The following ROBO2 variants were observed in gnomAD, a reference collection of about 807,000 sequenced individuals.
The protein encoded by ROBO2 is roundabout guidance receptor 2, also known as roundabout homolog 2.
A neutral mutation model predicts 160.8 loss-of-function variants in ROBO2; 53 were observed. That is an observed-to-expected ratio of 0.33 (90% confidence interval 0.26 to 0.41). ROBO2 has a LOEUF of 0.41. Ranked by LOEUF, ROBO2 falls within the 10% of genes least tolerant of loss-of-function variation. ROBO2 has a pLI of 1.00. For missense variants in ROBO2, 1,577 were observed against 1,722.4 expected, an observed-to-expected ratio of 0.92 and a Z score of 1.49; for synonymous variants, 664 against 611.7, an observed-to-expected ratio of 1.09 and a Z score of -1.26.
intron 2 of ROBO2, among the ~76,000 whole-genome samples, chr3:76,739,323 C>G (rs547739498): frequency 2.6e-5 from 4 of 152,184 alleles, no homozygotes; most frequent in African/African-American, 9.6e-5. Flanking sequence ...AGTTCATGTC[C>G]TTTGTAGTGA....
chr3:77,049,474 C>T (rs1257001953), intron 1 of ROBO2, among the ~76,000 whole-genome samples: 1 of 152,300 alleles, frequency 6.6e-6, no homozygotes, highest in Non-Finnish European at 1.5e-5. Flanking sequence ...TATGGATATG[C>T]ATGACAGCCA....
intron 2 of ROBO2, among the ~76,000 whole-genome samples, chr3:76,192,110 C>CG (rs1702033840): frequency 6.6e-6 from 1 of 151,964 alleles, no homozygotes; most frequent in Non-Finnish European, 1.5e-5. Context: ...ACCTGACCTT[C>CG]GATTGGCTTA....
chr3:77,208,682 T>C (rs62251837), intron 2 of ROBO2, among the ~76,000 whole-genome samples: 4,465 of 152,332 alleles, frequency 0.029, 74 homozygotes, highest in Middle Eastern at 0.054. Flanking sequence ...AGATTATGGT[T>C]CTATGCCTTA....
At chr3:76,204,579 G>C (rs1702711444) in intron 2 of ROBO2, among the ~76,000 whole-genome samples, 1 of 152,116 alleles carries the variant, frequency 6.6e-6, no homozygotes, top group African/African-American at 2.4e-5. Context: ...ATCGAATTCT[G>C]CTGTTCTCAG....
intron 2 of ROBO2, among the ~76,000 whole-genome samples, chr3:76,179,013 CTCAATAAAGGGTATT>C (rs2073331338): frequency 6.6e-6 from 1 of 152,014 alleles, no homozygotes; most frequent in Non-Finnish European, 1.5e-5. Flanking sequence ...CAAACTTTCC[CTCAATAAAGGGTATT>C]TTAAGTTAGA....
At chr3:77,193,389 T>A (rs2082042584) in intron 2 of ROBO2, among the ~76,000 whole-genome samples, 1 of 151,722 alleles carries the variant, frequency 6.6e-6, no homozygotes, top group Non-Finnish European at 1.5e-5. Flanking sequence ...CAAGCGATCC[T>A]CCTACCTCAG....
chr3:76,493,365 A>ATATATATATATATATATAT (rs61651925), intron 2 of ROBO2, among the ~76,000 whole-genome samples: 3 of 132,014 alleles, frequency 2.3e-5, no homozygotes, highest in Non-Finnish European at 4.8e-5. Flanking sequence ...ATATATATAT[A>ATATATATATATATATATAT]ATTGTATATA....
chr3:76,287,009 T>C (rs1314836995), intron 2 of ROBO2, among the ~76,000 whole-genome samples: 1 of 152,186 alleles, frequency 6.6e-6, no homozygotes, highest in African/African-American at 2.4e-5. Flanking sequence ...CTGTACCACC[T>C]GGATCCCAGG....
chr3:76,327,447 T>C (rs2073119857), intron 2 of ROBO2, among the ~76,000 whole-genome samples: 1 of 152,210 alleles, frequency 6.6e-6, no homozygotes. Context: ...AATTTGATAA[T>C]GACAGATTAT....
intron 2 of ROBO2, among the ~76,000 whole-genome samples, chr3:76,438,941 T>G (rs1319220632): frequency 1.3e-5 from 2 of 152,052 alleles, no homozygotes; most frequent in East Asian, 3.9e-4. Flanking sequence ...CAGAGAGGCT[T>G]TGAAAGTTGT....
At chr3:76,155,147 C>G (rs1386773404) in intron 2 of ROBO2, among the ~76,000 whole-genome samples, 1 of 152,054 alleles carries the variant, frequency 6.6e-6, no homozygotes, top group Non-Finnish European at 1.5e-5. Flanking sequence ...AAATAAATGT[C>G]AAAATTAGAA....
At chr3:77,318,196 TG>T (rs2064270818) in intron 2 of ROBO2, among the ~76,000 whole-genome samples, 1 of 151,918 alleles carries the variant, frequency 6.6e-6, no homozygotes, top group South Asian at 2.1e-4. Context: ...CACAGGCACC[TG>T]CTATTTTTGT....
At chr3:77,218,271 T>C (rs559552545) in intron 2 of ROBO2, among the ~76,000 whole-genome samples, 1 of 152,298 alleles carries the variant, frequency 6.6e-6, no homozygotes, top group East Asian at 1.9e-4. Context: ...GCCAACCTCC[T>C]TCTCATACTA....
intron 20 of ROBO2, among the ~76,000 whole-genome samples, chr3:77,604,384 A>G (rs9824975): frequency 0.049 from 7,442 of 152,220 alleles, 247 homozygotes; most frequent in African/African-American, 0.093. Flanking sequence ...AAATAAATCT[A>G]TATACTATAA....
At chr3:77,076,774 G>A (rs2068051106) in intron 1 of ROBO2, among the ~76,000 whole-genome samples, 1 of 152,120 alleles carries the variant, frequency 6.6e-6, no homozygotes, top group Non-Finnish European at 1.5e-5. Context: ...AAAGCTATAA[G>A]CTTGGCCTTA....
In ROBO2 at chr3:76,329,399, G is replaced by T. The variant is rs570610302; in HGVS notation, c.109+391797G>T. On this transcript the variant is annotated intron_variant, in intron 2 of 26. Transcript: ENST00000487694. ...CACCCGGCTAATTTTTGTACTTTTA[G>T]TAGAGATGGGGTTTCCCCGTGTTGG... Among the ~76,000 whole-genome samples the T allele has an allele frequency of 1.8e-4, 27 of 152,270 alleles. No individual in the cohort carries two copies. In the East Asian group the frequency reaches 4.4e-3, roughly 25 times the overall value.
intron 21 of ROBO2, among the ~76,000 whole-genome samples, chr3:77,615,592 T>C (rs1294403149): frequency 6.6e-6 from 1 of 152,202 alleles, no homozygotes; most frequent in Middle Eastern, 3.2e-3. Context: ...AATCTTATTG[T>C]GTGTACCTTT....
intron 2 of ROBO2, among the ~76,000 whole-genome samples, chr3:76,986,815 A>G: frequency 6.6e-6 from 1 of 152,318 alleles, no homozygotes; most frequent in Non-Finnish European, 1.5e-5. Context: ...CGTATACATA[A>G]TTAACCTTCA....
chr3:76,908,797 G>A (rs1363716489), intron 2 of ROBO2, among the ~76,000 whole-genome samples: 1 of 152,136 alleles, frequency 6.6e-6, no homozygotes, highest in African/African-American at 2.4e-5. Flanking sequence ...CTGTTTACTA[G>A]GTGGGTTGAT....
Sources: allele counts gnomAD v4.1 joint callset (sites outside exome capture counted in the v4.1 genomes callset), GRCh38; gene constraint gnomAD v4.1.1; transcripts MANE v1.5; gene names NCBI Gene and HGNC (gene_info 2026-07-23, HGNC 2026-07-21).